The following ZNF273 variants were observed in gnomAD, a reference collection of about 807,000 sequenced individuals.
The protein encoded by ZNF273 is zinc finger protein 273, also known as zinc finger protein 9.
Under a neutral mutation model 14.9 loss-of-function variants are expected in ZNF273, and 11 were observed. The observed-to-expected ratio is 0.74, with a 90% confidence interval of 0.46 to 1.22. The LOEUF is 1.22. Ranked by LOEUF, ZNF273 falls within the 50% of genes most tolerant of loss-of-function variation. The probability of loss-of-function intolerance (pLI) is 0.00; values close to 1 mark genes in which losing one functional copy is unlikely to be tolerated. For synonymous variants in ZNF273, 199 were observed against 223.9 expected (o/e 0.89, Z 0.99); for missense variants, 577 against 660.6 (o/e 0.87, Z 1.39).
rs1794156814 is a variant in ZNF273, at chr7:64,918,293, G to A, written c.325+1G>A. 5.1e-6 allele frequency: 8 copies of A among 1,553,662 alleles called. No individual in the cohort carries two copies. Among genetic ancestry groups the A allele is most frequent in the Non-Finnish European group, 6.1e-6 (7 of 1,145,034 alleles). On this transcript the variant is annotated splice_donor_variant, in intron 3 of 3. Transcript: ENST00000476120. LOFTEE classifies it high-confidence loss of function. Reference sequence around the variant, plus strand: ...CATGCGATGGTAGCCAAACCCCCAGGTAGGTGAGAGTGATAGCGAATATAA... The same window carrying A: ...CATGCGATGGTAGCCAAACCCCCAGATAGGTGAGAGTGATAGCGAATATAA...
intron 3 of ZNF273, among the ~76,000 whole-genome samples, chr7:64,923,171 G>A (rs1794588423): frequency 6.6e-6 from 1 of 151,864 alleles, no homozygotes; most frequent in Non-Finnish European, 1.5e-5. Flanking sequence ...TTCTAGGAGT[G>A]TAACTGCATC....
chr7:64,917,566 G>C lies in ZNF273; in HGVS notation c.103-15G>C, dbSNP rs759489441. Reference sequence around the variant, plus strand: ...CAAGTTGGTAAATATGTTTTTGTGTGTGTGTGTTTTTCAGGGACCACTGAC... The same window carrying C: ...CAAGTTGGTAAATATGTTTTTGTGTCTGTGTGTTTTTCAGGGACCACTGAC... On this transcript the variant is annotated splice_polypyrimidine_tract_variant and intron_variant, in intron 1 of 3. Coordinates refer to ENST00000476120, the MANE Select transcript of ZNF273 (RefSeq NM_021148.3). The C allele has an allele frequency of 4.4e-6, 7 of 1,588,870 alleles. No homozygotes were observed. The highest frequency in any genetic ancestry group is 6.0e-6 in the Non-Finnish European group (7 of 1,164,286).
upstream of ZNF273, among the ~76,000 whole-genome samples, chr7:64,901,145 A>G (rs554479454): frequency 1.3e-5 from 2 of 152,066 alleles, no homozygotes; most frequent in South Asian, 4.2e-4. Flanking sequence ...TGGGACTACA[A>G]GCGCACGCCA....
intron 3 of ZNF273, among the ~76,000 whole-genome samples, chr7:64,923,054 C>G (rs1794581201): frequency 6.6e-6 from 1 of 152,086 alleles, no homozygotes; most frequent in South Asian, 2.1e-4. Flanking sequence ...TTATATTATG[C>G]AACATTTTAC....
At chr7:64,880,085 C>T (rs1291108189), downstream of ZNF273, 1 of 152,198 alleles carries the variant, frequency 6.6e-6, no homozygotes, top group Non-Finnish European at 1.5e-5. Context: ...TGAATGCCTT[C>T]GTTGCATCTC....
intron 1 of ZNF273, among the ~76,000 whole-genome samples, chr7:64,886,550 A>G (rs1791592516): frequency 6.6e-6 from 1 of 152,224 alleles, no homozygotes; most frequent in Admixed American, 6.5e-5. Flanking sequence ...TTATAATCTG[A>G]TGCAGTGGCA....
intron 3 of ZNF273, among the ~76,000 whole-genome samples, chr7:64,895,174 A>G (rs1398946986): frequency 1.3e-5 from 2 of 152,074 alleles, no homozygotes; most frequent in East Asian, 3.8e-4. Context: ...CAAAATGGAG[A>G]TTTTTAATTA....
At chr7:64,918,783 T>C (rs1794214860) in intron 3 of ZNF273, among the ~76,000 whole-genome samples, 1 of 152,042 alleles carries the variant, frequency 6.6e-6, no homozygotes, top group Non-Finnish European at 1.5e-5. Context: ...TTCTGTCTTA[T>C]GCTTTTAAAT....
At chr7:64,916,558 A>C (rs1033132570) in intron 1 of ZNF273, among the ~76,000 whole-genome samples, 2 of 149,614 alleles carry the variant, frequency 1.3e-5, no homozygotes, top group East Asian at 2.0e-4. Context: ...AAAAAAAAAA[A>C]AAAAAAACCA....
At chr7:64,934,707 A>G (rs1045486446), downstream of ZNF273, among the ~76,000 whole-genome samples, 1 of 152,032 alleles carries the variant, frequency 6.6e-6, no homozygotes, top group African/African-American at 2.4e-5. Flanking sequence ...TTTGAGTACT[A>G]TAGCTTGGTA....
downstream of ZNF273, chr7:64,933,474 T>C (rs1795032368): frequency 6.6e-6 from 1 of 152,202 alleles, no homozygotes; most frequent in South Asian, 2.1e-4. Context: ...CATGGGACCA[T>C]AAGCAACACC....
intron 1 of ZNF273, among the ~76,000 whole-genome samples, chr7:64,909,429 A>G (rs752342365): frequency 6.6e-6 from 1 of 151,826 alleles, no homozygotes; most frequent in Non-Finnish European, 1.5e-5. Flanking sequence ...GGGTTTCAAC[A>G]TGGTGTCCAG....
chr7:64,931,249 G>C (rs1452469889), downstream of ZNF273, among the ~76,000 whole-genome samples: 1 of 152,066 alleles, frequency 6.6e-6, no homozygotes, highest in Non-Finnish European at 1.5e-5. Flanking sequence ...CCTCAAAAAT[G>C]CTGAAAGCAA....
downstream of ZNF273, among the ~76,000 whole-genome samples, chr7:64,884,083 T>A (rs1225805213): frequency 6.6e-6 from 1 of 152,234 alleles, no homozygotes; most frequent in African/African-American, 2.4e-5. Context: ...CTCTTTTTCA[T>A]TTCATCTGCA....
intron 1 of ZNF273, among the ~76,000 whole-genome samples, chr7:64,914,524 T>C (rs1793815211): frequency 6.6e-6 from 1 of 151,956 alleles, no homozygotes; most frequent in African/African-American, 2.4e-5. Context: ...TTCATGAGAG[T>C]TAATTTCTGC....
In ZNF273 at chr7:64,928,748, A is replaced by G; in HGVS notation, c.1420A>G (p.Thr474Ala). The G allele has an allele frequency of 1.9e-6, 3 of 1,611,046 alleles. No homozygotes were observed. Among genetic ancestry groups the G allele is most frequent in the Non-Finnish European group, 2.5e-6 (3 of 1,178,342 alleles). ...GSAFRAFSTL[T>A]EHKRVHTGEK... is the part of the protein sequence containing the mutation. ...TGCCTTTAGGGCATTCTCAACCCTT[A>G]CTGAACATAAGAGAGTTCATACTGG... Residue 474 changes from threonine to alanine, a missense_variant, in exon 4 of 4, where the codon ACT becomes GCT. Thr to Ala is a moderately conservative substitution (Grantham distance 58). This residue lies in a region of ZNF273 where 411 missense variants were observed against 440.4 expected (regional missense o/e 0.93). Coordinates refer to ENST00000476120, the MANE Select transcript of ZNF273 (RefSeq NM_021148.3).
chr7:64,931,550 A>T (rs117389350), downstream of ZNF273, among the ~76,000 whole-genome samples: 3,842 of 152,248 alleles, frequency 0.025, 73 homozygotes, highest in Admixed American at 0.051. Context: ...TAGTTAAAAC[A>T]TTGCCCTTTG....
chr7:64,921,368 T>A (rs1387894380), intron 3 of ZNF273, among the ~76,000 whole-genome samples: 1 of 151,854 alleles, frequency 6.6e-6, no homozygotes, highest in Non-Finnish European at 1.5e-5. Context: ...AGCCTTAAGT[T>A]TTCTTTGTTT....
chr7:64,912,591 C>T (rs1300865187), intron 1 of ZNF273, among the ~76,000 whole-genome samples: 1 of 152,000 alleles, frequency 6.6e-6, no homozygotes, highest in South Asian at 2.1e-4. Context: ...TTCAGATGTC[C>T]AAGAGTTCAA....
Sources: allele counts gnomAD v4.1 joint callset (sites outside exome capture counted in the v4.1 genomes callset), GRCh38; gene constraint gnomAD v4.1.1; regional missense constraint gnomAD v4.1.1; transcripts MANE v1.5; gene names NCBI Gene and HGNC (gene_info 2026-07-23, HGNC 2026-07-21).